VEGFB: variants seen among roughly 807,000 people sequenced by gnomAD.
VEGFB encodes the protein VEGF-related factor.
A neutral mutation model predicts 22.5 loss-of-function variants in VEGFB; 24 were observed. The observed-to-expected ratio is 1.07, with a 90% CI of 0.77 to 1.50. The LOEUF (loss-of-function observed/expected upper bound fraction) is 1.50, where lower values mean the gene tolerates loss of function less well. Ranked by LOEUF, VEGFB falls within the 40% of genes most tolerant of loss-of-function variation. The pLI is 0.00. For synonymous variants in VEGFB, 141 were observed against 117.4 expected, an observed-to-expected ratio of 1.20 and a Z score of -1.30; for missense variants, 327 against 287.8, an observed-to-expected ratio of 1.14 and a Z score of -0.99.
Position 64,235,691 on chromosome 11 carries a change from G to A in VEGFB, c.104-122G>A. The A allele has an allele frequency of 3.0e-6, 4 of 1,321,080 alleles. No homozygotes were observed. In the East Asian group the frequency reaches 9.8e-5, roughly 32 times the overall value. 81.8% of individuals were successfully genotyped at this position (1,321,080 alleles called of 1,614,324 possible). A position where few individuals can be genotyped will look rare whatever the true frequency, so the allele number is the denominator to read the frequency against. On this transcript the variant is annotated intron_variant, in intron 2 of 6. Transcript: ENST00000309422. ...TAAACAGGGCAGGGGAAGACAGGTTGTGAGGGCAGAGTGGGGAGGGCTAGT... is the reference window on the plus strand; with the variant it reads ...TAAACAGGGCAGGGGAAGACAGGTTATGAGGGCAGAGTGGGGAGGGCTAGT...
intron 4 of VEGFB, among the ~76,000 whole-genome samples, chr11:64,236,882 C>T (rs890183603): frequency 6.7e-6 from 1 of 149,184 alleles, no homozygotes; most frequent in African/African-American, 2.4e-5. Flanking sequence ...CGTTTGAGAC[C>T]AGCCTGGCCA....
In VEGFB at chr11:64,238,502, T is replaced by C. The variant is rs753505245; in HGVS notation, c.*169T>C. 53 of 1,247,040 alleles carry C rather than the reference T, an allele frequency of 4.3e-5. No individual in the cohort carries two copies. Among genetic ancestry groups the C allele is most frequent in the Non-Finnish European group, 5.6e-5 (50 of 889,354 alleles). The allele number at this position is 1,247,040 out of a possible 1,614,324, so 77.2% of individuals were successfully genotyped here. On this transcript the variant is annotated 3_prime_UTR_variant, in exon 7 of 7. Transcript: ENST00000309422. ...ACCTCAGCCCAGGCAGAAGCTGCTC[T>C]AGGACCTGGGCCTCTCAGAGGGCTC...
rs959342790 is a variant in VEGFB, at chr11:64,238,323, C to G, written c.*23-33C>G. ...GTCCAGGGCTGGGGCTGCGCTCCAG[C>G]CAGCATGAACAGATCACTTCCTCCC... is the stretch of plus-strand genomic sequence containing the variant. On this transcript the variant is annotated intron_variant, in intron 6 of 6. Transcript: ENST00000309422. 2.0e-6 allele frequency: 3 copies of G among 1,535,916 alleles called. No individual in the cohort carries two copies. The African/African-American group carries it at 4.1e-5, about 21-fold the overall frequency.
chr11:64,237,534 T>C lies in VEGFB; in HGVS notation c.525T>C (p.Ser175=), dbSNP rs779540327. 14 of 1,609,612 alleles carry C rather than the reference T, an allele frequency of 8.7e-6. No individual in the cohort carries two copies. The highest frequency in any genetic ancestry group is 1.2e-5 in the Non-Finnish European group (14 of 1,179,656). The part of the protein sequence containing the change: ...ITHPTPAPGP[S]AHAAPSTTSA... Reference sequence around the variant, plus strand: ...ATCCCACTCCAGCCCCAGGCCCCTCTGCCCACGCTGCACCCAGCACCACCA... The same window carrying C: ...ATCCCACTCCAGCCCCAGGCCCCTCCGCCCACGCTGCACCCAGCACCACCA... The change falls in exon 6 of 7, where the codon TCT becomes TCC. Residue 175 remains serine (S), a synonymous_variant. Transcript: ENST00000309422.
Position 64,234,932 on chromosome 11 carries a change from G to T in VEGFB, c.60+39G>T. On this transcript the variant is annotated intron_variant, in intron 1 of 6. Coordinates refer to ENST00000309422, the MANE Select transcript of VEGFB (RefSeq NM_003377.5). This position sits in a 1 kb window ranked among gnomAD's most constrained non-coding sequence, Gnocchi z 5.3. ...GACAGCGCGCCCGCCCGCCCGCCGT[G>T]CCCTCTCTCAAGGTTGGCGGAAGTG... The T allele has an allele frequency of 7.9e-7, 1 of 1,271,882 alleles. No individual in the cohort carries two copies. Among genetic ancestry groups the T allele is most frequent in the Non-Finnish European group, 9.9e-7 (1 of 1,007,536 alleles). The allele number at this position is 1,271,882 out of a possible 1,614,324, so 78.8% of individuals were successfully genotyped here.
At chr11:64,236,368 C>G (rs776439077) in intron 4 of VEGFB, 41 bp downstream of exon 4, 2 of 1,594,952 alleles carry the variant, frequency 1.3e-6, no homozygotes, top group African/African-American at 2.7e-5. Flanking sequence ...AGAGGCCAGG[C>G]TTGGGGGGTG....
At chr11:64,235,550 T>C in intron 2 of VEGFB, 50 bp downstream of exon 2, 2 of 1,574,000 alleles carry the variant, frequency 1.3e-6, no homozygotes, top group East Asian at 2.2e-5. Context: ...GGGTTTGTCA[T>C]GGGCCCTGAT....
At chr11:64,236,407 A>C in intron 4 of VEGFB, 80 bp downstream of exon 4, 1 of 1,424,282 alleles carries the variant, frequency 7.0e-7, no homozygotes, top group Non-Finnish European at 9.8e-7. Flanking sequence ...AGAACTGGGG[A>C]CCAGGTTCCT....
chr11:64,236,225 T>C (rs1487921109), intron 3 of VEGFB, 29 bp from the exon 4 acceptor site: 3 of 1,611,616 alleles, frequency 1.9e-6, no homozygotes, highest in Non-Finnish European at 2.5e-6. Flanking sequence ...TCTCCCTCAC[T>C]GTCCCCCCTG....
At position 64,236,103 on chromosome 11, in the gene VEGFB, C is replaced by T. The variant is rs182447039; in HGVS notation, c.300+94C>T. On this transcript the variant is annotated intron_variant, in intron 3 of 6. Coordinates refer to ENST00000309422, the MANE Select transcript of VEGFB (RefSeq NM_003377.5). ...ATGCTGGCTGGCTCTGGGGCTGGGG[C>T]AGCCTGGAGACTGATGCACAGGAGA... The T allele has an allele frequency of 2.6e-6, 4 of 1,520,024 alleles. 1 individual carries two copies. Among genetic ancestry groups the T allele is most frequent in the South Asian group, 2.5e-5 (2 of 81,474 alleles). 94.2% of individuals were successfully genotyped at this position (1,520,024 alleles called of 1,614,324 possible).
Position 64,238,595 on chromosome 11 carries a change from G to A in VEGFB, c.*262G>A. 1.6e-6 allele frequency: 1 copy of A among 612,574 alleles called. No individual in the cohort carries two copies. The highest frequency in any genetic ancestry group is 2.0e-5 in the South Asian group (1 of 51,054). The allele number at this position is 612,574 out of a possible 1,614,324, so 37.9% of individuals were successfully genotyped here. The stretch of plus-strand genomic sequence containing the variant: ...CAGAGTTGGAAGAGGAGACTGGGAG[G>A]CAGCAAGAGGGGTCACATACCAGCT... On this transcript the variant is annotated 3_prime_UTR_variant, in exon 7 of 7. Transcript: ENST00000309422.
At position 64,234,986 on chromosome 11, in the gene VEGFB, G is replaced by A; in HGVS notation, c.60+93G>A. On this transcript the variant is annotated intron_variant, in intron 1 of 6. Coordinates refer to ENST00000309422, the MANE Select transcript of VEGFB (RefSeq NM_003377.5). The surrounding 1 kb of genome is among the most constrained non-coding windows in gnomAD (Gnocchi z 5.3). ...AGGCGACCCGCGGCCTCGGCCGAGGGGATCTGCGGGGTCCGGCCTTGGACG... is the reference window on the plus strand; with the variant it reads ...AGGCGACCCGCGGCCTCGGCCGAGGAGATCTGCGGGGTCCGGCCTTGGACG... 9.4e-7 allele frequency: 1 copy of A among 1,065,152 alleles called. No individual in the cohort carries two copies. Among genetic ancestry groups the A allele is most frequent in the Non-Finnish European group, 1.2e-6 (1 of 836,920 alleles). 66.0% of individuals were successfully genotyped at this position (1,065,152 alleles called of 1,614,324 possible).
chr11:64,238,520 G>A lies in VEGFB; in HGVS notation c.*187G>A. On this transcript the variant is annotated 3_prime_UTR_variant, in exon 7 of 7. Transcript: ENST00000309422. ...GCTGCTCTAGGACCTGGGCCTCTCAGAGGGCTCTTCTGCCATCCCTTGTCT... is the reference window on the plus strand; with the variant it reads ...GCTGCTCTAGGACCTGGGCCTCTCAAAGGGCTCTTCTGCCATCCCTTGTCT... 1.0e-6 allele frequency: 1 copy of A among 997,304 alleles called. No homozygotes were observed. The highest frequency in any genetic ancestry group is 1.5e-6 in the Non-Finnish European group (1 of 672,362). 61.8% of individuals were successfully genotyped at this position (997,304 alleles called of 1,614,324 possible). A position where few individuals can be genotyped will look rare whatever the true frequency, so the allele number is the denominator to read the frequency against.
At position 64,235,989 on chromosome 11, in the gene VEGFB, C is replaced by T. The variant is rs1169667165; in HGVS notation, c.280C>T (p.Gln94Ter). The stretch of plus-strand genomic sequence containing the variant: ...TGGCCTGGAGTGTGTGCCCACTGGG[C>T]AGCACCAAGTCCGGATGCAGGTACT... The part of the protein sequence containing the change: ...DDGLECVPTG[Q>*]HQVRMQILMI... Residue 94 changes from glutamine to a stop codon, truncating the protein, a stop_gained, in exon 3 of 7, where the codon CAG (glutamine) becomes TAG (stop). Coordinates refer to ENST00000309422, the MANE Select transcript of VEGFB (RefSeq NM_003377.5). LOFTEE classifies it high-confidence loss of function. 5.6e-6 allele frequency: 9 copies of T among 1,600,014 alleles called. No homozygotes were observed. The highest frequency in any genetic ancestry group is 6.8e-6 in the Non-Finnish European group (8 of 1,174,000).
chr11:64,235,638 T>C, intron 2 of VEGFB, 138 bp downstream of exon 2: 3 of 1,264,480 alleles, frequency 2.4e-6, no homozygotes, highest in Middle Eastern at 1.9e-4. Context: ...AGGAGGAAAT[T>C]GAGGCAGTGG....
rs1823657026 is a variant in VEGFB, at chr11:64,237,586, G to A, written c.577G>A (p.Ala193Thr). 4 of 1,595,922 alleles carry A rather than the reference G, an allele frequency of 2.5e-6. No homozygotes were observed. The highest frequency in any genetic ancestry group is 1.1e-5 in the South Asian group (1 of 90,308). The change falls in exon 6 of 7, where the codon GCC becomes ACC. Residue 193 changes from alanine to threonine, a missense_variant. By Grantham distance (58) the Ala-to-Thr change is moderately conservative. Transcript: ENST00000309422. ...CGCCCTGACCCCCGGACCTGCCGCT[G>A]CCGCTGCCGACGCCGCAGCTTCCTC... ...TSALTPGPAA[A>T]AADAAASSVA...
At chr11:64,235,709 G>A (rs1373443167) in intron 2 of VEGFB, 104 bp from the exon 3 acceptor site, 5 of 1,405,402 alleles carry the variant, frequency 3.6e-6, no homozygotes, top group Non-Finnish European at 4.9e-6. Context: ...AGAGTGGGGA[G>A]GGCTAGTGGA....
At chr11:64,236,907 C>G (rs1036111255) in intron 4 of VEGFB, among the ~76,000 whole-genome samples, 1 of 147,588 alleles carries the variant, frequency 6.8e-6, no homozygotes, top group East Asian at 2.0e-4. Context: ...GGTGAAACCC[C>G]ATCTCTACTA....
chr11:64,237,108 AG>A lies in VEGFB; in HGVS notation c.375-78del, dbSNP rs368660152. The A allele has an allele frequency of 1.2e-5, 8 of 695,204 alleles. 1 individual carries two copies. The highest frequency in any genetic ancestry group is 1.8e-5 in the Non-Finnish European group (8 of 437,926). The allele number at this position is 695,204 out of a possible 1,614,324, so 43.1% of individuals were successfully genotyped here. A position where few individuals can be genotyped will look rare whatever the true frequency, so the allele number is the denominator to read the frequency against. ...CAAAGAGAGAGAGAGAGAGAGAGAG[AG>A]AGAGAGAGAGAGAGTAGGATGCTGG... On this transcript the variant is annotated intron_variant, in intron 4 of 6. Coordinates refer to ENST00000309422, the MANE Select transcript of VEGFB (RefSeq NM_003377.5).
Sources: allele counts gnomAD v4.1 joint callset (sites outside exome capture counted in the v4.1 genomes callset), GRCh38; gene constraint gnomAD v4.1.1; non-coding constraint Gnocchi (gnomAD v3.1); transcripts MANE v1.5; gene names NCBI Gene and HGNC (gene_info 2026-07-23, HGNC 2026-07-21).